The following COP1 variants were observed in gnomAD, a reference collection of about 807,000 sequenced individuals.
The protein encoded by COP1 is E3 ubiquitin-protein ligase COP1.
In COP1, 24 loss-of-function variants were observed where a neutral mutation model predicts 101.3. That is an observed-to-expected ratio of 0.24 (90% CI 0.17 to 0.33). The LOEUF is 0.33. COP1 is among the 10% of genes least tolerant of loss of function. The pLI is 1.00. For synonymous variants in COP1, 347 were observed against 341.9 expected, an observed-to-expected ratio of 1.01 and a Z score of -0.17; for missense variants, 663 against 906.2, an observed-to-expected ratio of 0.73 and a Z score of 3.45.
At chr1:176,161,533 G>C (rs1240278634) in intron 5 of COP1, among the ~76,000 whole-genome samples, 1 of 152,116 alleles carries the variant, frequency 6.6e-6, no homozygotes, top group Non-Finnish European at 1.5e-5. Context: ...AGGGGGTAGA[G>C]GATGCAGTGA....
intron 18 of COP1, among the ~76,000 whole-genome samples, chr1:175,962,452 CA>C (rs933010744): frequency 6.6e-6 from 1 of 152,138 alleles, no homozygotes; most frequent in Non-Finnish European, 1.5e-5. Flanking sequence ...CCTAGAAGCT[CA>C]AAGTCCCTTT....
chr1:176,113,884 C>T (rs1018631738), intron 9 of COP1, among the ~76,000 whole-genome samples: 2 of 150,660 alleles, frequency 1.3e-5, no homozygotes, highest in South Asian at 4.2e-4. Context: ...CAGAAGACTA[C>T]AGGGAGGCTA....
chr1:176,049,178 C>CAAAAAAAAAAAAAAAAAAAA (rs61267982), intron 11 of COP1, among the ~76,000 whole-genome samples: 1 of 118,364 alleles, frequency 8.4e-6, no homozygotes, highest in Admixed American at 8.6e-5. Flanking sequence ...GACTCCGTCT[C>CAAAAAAAAAAAAAAAAAAAA]AAAAAAAAAA....
chr1:176,072,152 A>T (rs1050086667), intron 11 of COP1, among the ~76,000 whole-genome samples: 1 of 152,200 alleles, frequency 6.6e-6, no homozygotes, highest in Non-Finnish European at 1.5e-5. Context: ...ACATGAATTT[A>T]TATTTCTGTC....
At chr1:176,173,344 A>AAAG (rs397982033) in intron 3 of COP1, among the ~76,000 whole-genome samples, 1 of 145,266 alleles carries the variant, frequency 6.9e-6, no homozygotes, top group Non-Finnish European at 1.5e-5. Flanking sequence ...AAAAAAAAAA[A>AAAG]CCAGTAATTG....
chr1:175,993,111 G>A (rs1445794433), intron 15 of COP1, among the ~76,000 whole-genome samples: 5 of 152,152 alleles, frequency 3.3e-5, no homozygotes, highest in East Asian at 1.9e-4. Flanking sequence ...TGCAGCCACC[G>A]CTGCTGGGAC....
intron 15 of COP1, among the ~76,000 whole-genome samples, chr1:176,015,879 T>C (rs1014420934): frequency 2.0e-5 from 3 of 152,150 alleles, no homozygotes; most frequent in Admixed American, 2.0e-4. Flanking sequence ...ACAATGTGAA[T>C]GGTAGAAAAG....
intron 8 of COP1, among the ~76,000 whole-genome samples, chr1:176,119,808 G>C (rs546287267): frequency 3.9e-4 from 60 of 152,202 alleles, no homozygotes; most frequent in Non-Finnish European, 7.6e-4. Flanking sequence ...GGTTTACTAT[G>C]CACTAACCTA....
chr1:176,090,180 T>G (rs2149447844), intron 9 of COP1, among the ~76,000 whole-genome samples: 1 of 152,322 alleles, frequency 6.6e-6, no homozygotes, highest in Middle Eastern at 3.4e-3. Flanking sequence ...TGAATCCATG[T>G]GTGACCTGTA....
chr1:176,165,511 A>G (rs1190359165), intron 3 of COP1, among the ~76,000 whole-genome samples: 1 of 152,086 alleles, frequency 6.6e-6, no homozygotes, highest in Non-Finnish European at 1.5e-5. Context: ...CCTGGCCAAC[A>G]TGGCAAAACC....
intron 5 of COP1, among the ~76,000 whole-genome samples, chr1:176,158,842 T>C (rs1693873219): frequency 1.3e-5 from 2 of 152,058 alleles, no homozygotes; most frequent in African/African-American, 2.4e-5. Context: ...GGTTTTACCA[T>C]GTTGCCCAGG....
At chr1:176,060,371 GAAC>G (rs1674623218) in intron 11 of COP1, among the ~76,000 whole-genome samples, 3 of 151,982 alleles carry the variant, frequency 2.0e-5, no homozygotes, top group Admixed American at 6.6e-5. Flanking sequence ...TGTTCATTCA[GAAC>G]AACATCTAGT....
chr1:176,047,009 T>C (rs1372057068), intron 11 of COP1, among the ~76,000 whole-genome samples: 1 of 152,152 alleles, frequency 6.6e-6, no homozygotes, highest in Non-Finnish European at 1.5e-5. Context: ...CTCTTGCTGA[T>C]CATTTTTATA....
chr1:176,129,024 A>G (rs1688484880), intron 8 of COP1, among the ~76,000 whole-genome samples: 1 of 151,942 alleles, frequency 6.6e-6, no homozygotes, highest in South Asian at 2.1e-4. Context: ...AGAGATTAGT[A>G]TAGTTGCATA....
At chr1:176,199,991 G>C (rs1363421162) in intron 1 of COP1, among the ~76,000 whole-genome samples, 2 of 152,128 alleles carry the variant, frequency 1.3e-5, no homozygotes, top group Non-Finnish European at 2.9e-5. Flanking sequence ...TGGTTAACTT[G>C]GGTAACCATT....
intron 6 of COP1, among the ~76,000 whole-genome samples, chr1:176,139,944 T>C (rs914764806): frequency 5.9e-5 from 9 of 152,130 alleles, no homozygotes; most frequent in Non-Finnish European, 7.4e-5. Flanking sequence ...ACTCCCTGAA[T>C]CGAAAAGTTG....
intron 3 of COP1, among the ~76,000 whole-genome samples, chr1:176,166,739 C>T (rs750782599): frequency 2.4e-4 from 37 of 152,030 alleles, no homozygotes; most frequent in Non-Finnish European, 4.7e-4. Context: ...AGCTGGAGAC[C>T]AGCTTGGGTA....
At chr1:176,183,963 T>C (rs1364272629) in intron 2 of COP1, among the ~76,000 whole-genome samples, 11 of 152,082 alleles carry the variant, frequency 7.2e-5, no homozygotes, top group Non-Finnish European at 1.3e-4. Flanking sequence ...TGTTGTTTAA[T>C]GAGTGACGAG....
chr1:176,089,674 C>T (rs1211831305), intron 9 of COP1, among the ~76,000 whole-genome samples: 1 of 152,140 alleles, frequency 6.6e-6, no homozygotes, highest in African/African-American at 2.4e-5. Context: ...GAGACCTAAA[C>T]TCTGAGTTTT....
Sources: gnomAD v4.1 joint callset for allele counts (sites outside exome capture counted in the v4.1 genomes callset) on GRCh38, gnomAD v4.1.1 for gene constraint, MANE v1.5 for transcripts, NCBI Gene and HGNC (gene_info 2026-07-23, HGNC 2026-07-21) for gene names.